PXDNL: variants seen among roughly 807,000 people sequenced by gnomAD.
PXDNL encodes probable oxidoreductase PXDNL.
PXDNL carries 145 observed loss-of-function variants against 150.8 expected under a neutral mutation model. That is an observed-to-expected ratio of 0.96 (90% CI 0.84 to 1.10). The LOEUF (loss-of-function observed/expected upper bound fraction) is 1.10. PXDNL is among the 50% of genes least tolerant of loss of function. The probability of loss-of-function intolerance (pLI) is 0.00; values close to 1 mark genes in which losing one functional copy is unlikely to be tolerated. For synonymous variants in PXDNL, 757 were observed against 725.7 expected (o/e 1.04, Z -0.69); for missense variants, 2,087 against 1,873.9 (o/e 1.11, Z -2.10).
chr8:51,404,304 T>C (rs1486113772), intron 17 of PXDNL, among the ~76,000 whole-genome samples: 3 of 152,354 alleles, frequency 2.0e-5, no homozygotes, highest in Admixed American at 2.0e-4. Context: ...TCCACCCACA[T>C]CCTGCTGATT....
At chr8:51,776,965 C>T (rs374750707) in intron 1 of PXDNL, among the ~76,000 whole-genome samples, 16 of 152,176 alleles carry the variant, frequency 1.1e-4, no homozygotes, top group African/African-American at 3.1e-4. Flanking sequence ...CTACACCTTA[C>T]AGCTGGCAAC....
chr8:51,660,662 C>T (rs1815252402), intron 1 of PXDNL, among the ~76,000 whole-genome samples: 1 of 152,142 alleles, frequency 6.6e-6, no homozygotes, highest in Non-Finnish European at 1.5e-5. Context: ...GGTAAGGATG[C>T]AATTAAGTCA....
At chr8:51,689,057 A>C (rs1449688367) in intron 1 of PXDNL, among the ~76,000 whole-genome samples, 4 of 152,186 alleles carry the variant, frequency 2.6e-5, no homozygotes, top group Admixed American at 2.0e-4. Context: ...CCTGGCTGGG[A>C]ATCACCCAAC....
intron 1 of PXDNL, among the ~76,000 whole-genome samples, chr8:51,759,035 G>A (rs1185391909): frequency 6.6e-6 from 1 of 152,146 alleles, no homozygotes; most frequent in Admixed American, 6.5e-5. Context: ...TCCTGGGGCT[G>A]GAATAGAATG....
intron 12 of PXDNL, among the ~76,000 whole-genome samples, chr8:51,445,783 G>A (rs1396715671): frequency 6.6e-6 from 1 of 152,066 alleles, no homozygotes; most frequent in African/African-American, 2.4e-5. Context: ...TTGGATTTTA[G>A]TTGAACACCA....
intron 1 of PXDNL, among the ~76,000 whole-genome samples, chr8:51,700,962 C>T (rs1043010888): frequency 1.3e-5 from 2 of 151,564 alleles, no homozygotes; most frequent in African/African-American, 4.9e-5. Context: ...GACACATACA[C>T]ACATACACAA....
intron 4 of PXDNL, among the ~76,000 whole-genome samples, chr8:51,513,061 A>G (rs1811457697): frequency 6.6e-6 from 1 of 152,194 alleles, no homozygotes; most frequent in Non-Finnish European, 1.5e-5. Flanking sequence ...TTTTCATACA[A>G]ACAAAATCAA....
At chr8:51,686,168 T>C (rs1815866849) in intron 1 of PXDNL, among the ~76,000 whole-genome samples, 1 of 152,234 alleles carries the variant, frequency 6.6e-6, no homozygotes, top group African/African-American at 2.4e-5. Context: ...GAGATCAGTC[T>C]GGGAAACAGA....
At chr8:51,379,424 C>T (rs908435621) in intron 17 of PXDNL, among the ~76,000 whole-genome samples, 1 of 152,016 alleles carries the variant, frequency 6.6e-6, no homozygotes, top group Non-Finnish European at 1.5e-5. Flanking sequence ...CTGGATCTTC[C>T]TAATTAATTA....
intron 3 of PXDNL, among the ~76,000 whole-genome samples, chr8:51,564,416 T>C (rs1812773770): frequency 6.6e-6 from 1 of 151,872 alleles, no homozygotes. Flanking sequence ...GTTTGTTACA[T>C]ACGTAAATTT....
chr8:51,339,526 T>C, intron 21 of PXDNL, 98 bp downstream of exon 21: 1 of 1,214,868 alleles, frequency 8.2e-7, no homozygotes, highest in South Asian at 1.5e-5. Context: ...ATTATTCTGA[T>C]ACTGTGCTGT....
intron 1 of PXDNL, among the ~76,000 whole-genome samples, chr8:51,781,416 T>C (rs2037413894): frequency 6.6e-6 from 1 of 152,176 alleles, no homozygotes; most frequent in Non-Finnish European, 1.5e-5. Context: ...CTGATTCAAA[T>C]GGCTTTGGGC....
chr8:51,333,553 T>G (rs1805750497), intron 21 of PXDNL, among the ~76,000 whole-genome samples: 3 of 152,164 alleles, frequency 2.0e-5, no homozygotes, highest in Admixed American at 1.3e-4. Context: ...GATAAGGAAC[T>G]GCAGAATGGA....
Position 51,504,063 on chromosome 8 carries a change from C to T in PXDNL, c.381-4293G>A, listed in dbSNP as rs868103861. Reference sequence around the variant, plus strand: ...AAAACTAGCAATGACCCCTCTGTCTCCCTCACTCCCTGTATCTTACCCAAT... The same window carrying T: ...AAAACTAGCAATGACCCCTCTGTCTTCCTCACTCCCTGTATCTTACCCAAT... On this transcript the variant is annotated intron_variant, in intron 4 of 22. Coordinates refer to ENST00000356297, the MANE Select transcript of PXDNL (RefSeq NM_144651.5). Among the ~76,000 whole-genome samples, 12 of 152,196 alleles carry T rather than the reference C, an allele frequency of 7.9e-5. 1 individual carries two copies. Among genetic ancestry groups the T allele is most frequent in the Middle Eastern group, 3.4e-3 (1 of 294 alleles).
intron 19 of PXDNL, among the ~76,000 whole-genome samples, chr8:51,349,218 G>T (rs1340011168): frequency 1.3e-5 from 2 of 152,046 alleles, no homozygotes; most frequent in East Asian, 1.9e-4. Context: ...GGGCAGCCTT[G>T]GTTGCCCCCA....
intron 1 of PXDNL, among the ~76,000 whole-genome samples, chr8:51,804,305 C>T (rs1264897720): frequency 6.6e-6 from 1 of 152,194 alleles, no homozygotes; most frequent in African/African-American, 2.4e-5. Context: ...TCTCAGTGAG[C>T]AGAGGGGTGA....
At chr8:51,522,392 C>T (rs1186692672) in intron 4 of PXDNL, among the ~76,000 whole-genome samples, 3 of 152,152 alleles carry the variant, frequency 2.0e-5, no homozygotes, top group African/African-American at 7.2e-5. Context: ...GAGAAGATGA[C>T]CATGCCCCAC....
intron 12 of PXDNL, among the ~76,000 whole-genome samples, chr8:51,429,287 T>A (rs116179260): frequency 0.014 from 2,060 of 152,272 alleles, 40 homozygotes; most frequent in African/African-American, 0.047. Flanking sequence ...TCTTTAAAAA[T>A]TTAAACATGT....
At chr8:51,437,133 TC>T (rs1809426219) in intron 12 of PXDNL, among the ~76,000 whole-genome samples, 1 of 152,094 alleles carries the variant, frequency 6.6e-6, no homozygotes, top group African/African-American at 2.4e-5. Flanking sequence ...TATACAACCT[TC>T]CTAGATTAAA....
Sources: allele counts gnomAD v4.1 joint callset (sites outside exome capture counted in the v4.1 genomes callset), GRCh38; gene constraint gnomAD v4.1.1; transcripts MANE v1.5; gene names NCBI Gene and HGNC (gene_info 2026-07-23, HGNC 2026-07-21).